Variants in FUT8 observed in about 807,000 individuals in gnomAD.
FUT8 encodes fucosyltransferase 8.
In FUT8, 29 loss-of-function variants were observed where a neutral mutation model predicts 71.3. The ratio of observed to expected loss-of-function variants is 0.41; its 90% confidence interval spans 0.30 to 0.55. The LOEUF is 0.55. Among genes scored for constraint, FUT8 ranks in the 20% least tolerant of loss-of-function variants. FUT8 has a pLI of 0.34. For missense variants in FUT8, 544 were observed against 702.1 expected (o/e 0.77, Z 2.55); for synonymous variants, 254 against 239.3 (o/e 1.06, Z -0.57).
At chr14:65,645,917 A>C (rs1199843856) in intron 6 of FUT8, 1 of 152,204 alleles carries the variant, frequency 6.6e-6, no homozygotes, top group Non-Finnish European at 1.5e-5. Flanking sequence ...ATATATCTCT[A>C]AATCCAAACT....
chr14:65,465,913 A>G (rs775124009), intron 2 of FUT8, among the ~76,000 whole-genome samples: 3 of 152,204 alleles, frequency 2.0e-5, no homozygotes, highest in East Asian at 1.9e-4. Context: ...TTGTAGTTCT[A>G]TCAGTTTTTA....
intron 3 of FUT8, among the ~76,000 whole-genome samples, chr14:65,609,729 A>T (rs576146216): frequency 6.6e-6 from 1 of 151,794 alleles, no homozygotes; most frequent in South Asian, 2.1e-4. Flanking sequence ...CATTCATTCA[A>T]TCAGTCATTC....
chr14:65,610,296 G>T (rs1888815378), intron 3 of FUT8, among the ~76,000 whole-genome samples: 1 of 151,222 alleles, frequency 6.6e-6, no homozygotes, highest in Non-Finnish European at 1.5e-5. Context: ...ATATATTTAT[G>T]CTTTCACCAT....
upstream of FUT8, among the ~76,000 whole-genome samples, chr14:65,408,047 A>G (rs764269390): frequency 1.3e-5 from 2 of 152,192 alleles, no homozygotes; most frequent in Non-Finnish European, 2.9e-5. Flanking sequence ...TTCTAATTCT[A>G]GCATATTCTA....
intron 2 of FUT8, among the ~76,000 whole-genome samples, chr14:65,515,520 T>G (rs1025507753): frequency 3.3e-5 from 5 of 152,012 alleles, no homozygotes; most frequent in African/African-American, 9.7e-5. Flanking sequence ...TATAATGTTT[T>G]GTGGGCAGAT....
intron 6 of FUT8, among the ~76,000 whole-genome samples, chr14:65,662,580 C>T (rs763513071): frequency 2.6e-5 from 4 of 152,118 alleles, no homozygotes; most frequent in Non-Finnish European, 5.9e-5. Context: ...AACACTAATA[C>T]TCAAAAAGAA....
At chr14:65,526,617 G>T (rs1446025513) in intron 2 of FUT8, among the ~76,000 whole-genome samples, 3 of 152,130 alleles carry the variant, frequency 2.0e-5, no homozygotes, top group Non-Finnish European at 1.5e-5. Flanking sequence ...GATGTTAGCT[G>T]GTTATTTTGC....
At chr14:65,468,203 T>C (rs12434513) in intron 2 of FUT8, 7,736 of 630,496 alleles carry the variant, frequency 0.012, 200 homozygotes, top group East Asian at 0.097. Flanking sequence ...CCTTTTTGAA[T>C]AGTACCCATT....
intron 6 of FUT8, among the ~76,000 whole-genome samples, chr14:65,651,296 C>G (rs1346045238): frequency 1.3e-5 from 2 of 152,192 alleles, no homozygotes; most frequent in Non-Finnish European, 2.9e-5. Flanking sequence ...GAATTGGGCT[C>G]TGCTGTGTTA....
In FUT8 at chr14:65,574,575, G is replaced by A. The variant is rs75601960; in HGVS notation, c.203+12809G>A. Among the ~76,000 whole-genome samples, 1,838 of 152,254 alleles carry A rather than the reference G, an allele frequency of 0.012. 15 individuals are homozygous for A. Among genetic ancestry groups the A allele is most frequent in the South Asian group, 0.024 (115 of 4,822 alleles). On this transcript the variant is annotated intron_variant, in intron 3 of 10. Transcript: ENST00000673929. This position sits in a 1 kb window ranked among gnomAD's most constrained non-coding sequence, Gnocchi z 5.2. ...ATAGTAAGTGCTAAAACCAGCAAGA[G>A]CTCAAAGAGTCTGACTCTAGGTATT... is the stretch of plus-strand genomic sequence containing the variant.
chr14:65,553,364 C>T (rs560998359), intron 2 of FUT8, among the ~76,000 whole-genome samples: 71 of 152,114 alleles, frequency 4.7e-4, no homozygotes, highest in African/African-American at 1.5e-3. Flanking sequence ...AATATTCTGT[C>T]ATATGTTTTA....
At chr14:65,703,212 G>A (rs567382247) in intron 7 of FUT8, among the ~76,000 whole-genome samples, 100 of 152,310 alleles carry the variant, frequency 6.6e-4, no homozygotes, top group African/African-American at 2.2e-3. Flanking sequence ...TCTGTACAAA[G>A]CATTGTCTTT....
At chr14:65,417,685 G>A (rs924094091) in intron 1 of FUT8, among the ~76,000 whole-genome samples, 3 of 152,050 alleles carry the variant, frequency 2.0e-5, no homozygotes, top group Admixed American at 6.5e-5. Flanking sequence ...GGAGAAATAC[G>A]TTTTGAATTT....
intron 7 of FUT8, among the ~76,000 whole-genome samples, chr14:65,716,148 G>A (rs927513843): frequency 2.6e-5 from 4 of 152,226 alleles, no homozygotes; most frequent in Admixed American, 2.6e-4. Flanking sequence ...GGTCCATTTG[G>A]TTTCTGATGC....
intron 2 of FUT8, among the ~76,000 whole-genome samples, chr14:65,476,166 C>T (rs1315144844): frequency 1.3e-5 from 2 of 152,200 alleles, no homozygotes; most frequent in Non-Finnish European, 2.9e-5. Flanking sequence ...TCACTCTCAT[C>T]TTTTTCCCTC....
chr14:65,611,263 A>ACCC, intron 3 of FUT8, among the ~76,000 whole-genome samples: 1 of 75,986 alleles, frequency 1.3e-5, no homozygotes, highest in African/African-American at 9.2e-5. Context: ...ACACACACAC[A>ACCC]CACACACACA....
intron 2 of FUT8, among the ~76,000 whole-genome samples, chr14:65,509,801 G>A (rs1161902675): frequency 6.6e-6 from 1 of 152,040 alleles, no homozygotes; most frequent in Non-Finnish European, 1.5e-5. Flanking sequence ...GAATTAGTCA[G>A]TTCTTAATAG....
the FUT8 span, among the ~76,000 whole-genome samples, chr14:65,401,899 A>T: frequency 3.5e-5 from 4 of 114,098 alleles, no homozygotes; most frequent in Admixed American, 9.0e-5. Flanking sequence ...CCTGTCTAAA[A>T]AAAAAAAAAA....
chr14:65,639,429 T>C (rs915585833), intron 6 of FUT8, among the ~76,000 whole-genome samples: 1 of 151,910 alleles, frequency 6.6e-6, no homozygotes, highest in Non-Finnish European at 1.5e-5. Flanking sequence ...TAGTCATAAA[T>C]CAAATAGACA....
Sources: allele counts gnomAD v4.1 joint callset (sites outside exome capture counted in the v4.1 genomes callset), GRCh38; gene constraint gnomAD v4.1.1; non-coding constraint Gnocchi (gnomAD v3.1); transcripts MANE v1.5; gene names NCBI Gene and HGNC (gene_info 2026-07-23, HGNC 2026-07-21).